SLC7A7: variants seen among roughly 807,000 people sequenced by gnomAD.
SLC7A7 encodes the protein solute carrier family 7 member 7.
Under a neutral mutation model 47.9 loss-of-function variants are expected in SLC7A7, and 39 were observed. The observed-to-expected ratio is 0.81, with a 90% CI of 0.63 to 1.06. The LOEUF (loss-of-function observed/expected upper bound fraction) is 1.06. SLC7A7 is among the 50% of genes least tolerant of loss of function. The pLI is 0.00. For synonymous variants in SLC7A7, 234 were observed against 242.8 expected (o/e 0.96, Z 0.34); for missense variants, 588 against 632.0 (o/e 0.93, Z 0.75).
At chr14:22,815,274 T>G in intron 1 of SLC7A7, 46 bp downstream of exon 1, 2 of 431,912 alleles carry the variant, frequency 4.6e-6, no homozygotes, top group Non-Finnish European at 9.4e-6. Flanking sequence ...AAGAGGAGGG[T>G]TAGCAAGGTA....
intron 4 of SLC7A7, 27 bp downstream of exon 4, chr14:22,778,766 A>T (rs376359939): frequency 1.2e-6 from 2 of 1,610,444 alleles, no homozygotes; most frequent in African/African-American, 2.7e-5. Context: ...TATCACTGCT[A>T]TGGAAAGTTG....
At chr14:22,802,706 T>C (rs368159815) in intron 2 of SLC7A7, among the ~76,000 whole-genome samples, 18 of 152,298 alleles carry the variant, frequency 1.2e-4, no homozygotes, top group South Asian at 1.0e-3. Context: ...CTACAAGAGC[T>C]TCCTAATAGT....
chr14:22,777,797 GGCACAGTGGCTCAT>G (rs1291395900), intron 4 of SLC7A7, among the ~76,000 whole-genome samples: 2 of 152,204 alleles, frequency 1.3e-5, no homozygotes, highest in African/African-American at 2.4e-5. Flanking sequence ...CAGAAAGCTG[GGCACAGTGGCTCAT>G]GCCTGTAATC....
rs768575124 is a variant in SLC7A7 at position 22,812,870 on chromosome 14, C to T, written c.499+30G>A. 20 of 1,608,994 alleles carry T rather than the reference C, an allele frequency of 1.2e-5. No homozygotes were observed. In the Admixed American group the frequency reaches 3.2e-4, roughly 26 times the overall value. ...ATCCCAGCCTCTGTCCAGCCCTCCA[C>T]CCACCACCTCCTACCCCAGCCCCAC... is the stretch of plus-strand genomic sequence containing the variant. On this transcript the variant is annotated intron_variant, in intron 2 of 9. Coordinates refer to ENST00000674313, the MANE Select transcript of SLC7A7 (RefSeq NM_003982.4).
At chr14:22,801,451 C>G (rs755102498) in intron 2 of SLC7A7, among the ~76,000 whole-genome samples, 5 of 152,094 alleles carry the variant, frequency 3.3e-5, no homozygotes, top group African/African-American at 4.8e-5. Flanking sequence ...GTGCCTTGTT[C>G]TACCTTGCAA....
intron 2 of SLC7A7, among the ~76,000 whole-genome samples, chr14:22,808,037 C>G (rs561210483): frequency 2.7e-4 from 41 of 152,118 alleles, no homozygotes; most frequent in African/African-American, 9.6e-4. Context: ...TGGTGCACAG[C>G]TGTAATCCCA....
intron 2 of SLC7A7, among the ~76,000 whole-genome samples, chr14:22,797,191 A>C (rs1594968035): frequency 6.6e-6 from 1 of 152,308 alleles, no homozygotes; most frequent in East Asian, 1.9e-4. Context: ...AACTGTATGC[A>C]AGAATGTGAG....
At chr14:22,808,809 G>A (rs1374372054) in intron 2 of SLC7A7, among the ~76,000 whole-genome samples, 1 of 152,170 alleles carries the variant, frequency 6.6e-6, no homozygotes, top group Non-Finnish European at 1.5e-5. Context: ...TATCTATGCA[G>A]TAATATTTCA....
At chr14:22,776,368 A>G (rs758221076) in intron 4 of SLC7A7, 50 bp from the exon 5 acceptor site, 33 of 1,613,074 alleles carry the variant, frequency 2.0e-5, no homozygotes, top group Non-Finnish European at 2.7e-5. Flanking sequence ...TCATATCCCT[A>G]TCTCTCCTTT....
At chr14:22,788,349 T>C (rs2038857118) in intron 2 of SLC7A7, among the ~76,000 whole-genome samples, 1 of 152,180 alleles carries the variant, frequency 6.6e-6, no homozygotes, top group African/African-American at 2.4e-5. Flanking sequence ...AGAATATTCA[T>C]AGTTACACCC....
chr14:22,817,520 TAGTAG>T (rs1239170517), upstream of SLC7A7, among the ~76,000 whole-genome samples: 4 of 152,162 alleles, frequency 2.6e-5, no homozygotes, highest in African/African-American at 9.7e-5. Context: ...TTTTTGTTTT[TAGTAG>T]AGTCGGGGTT....
rs77038538 is a variant in SLC7A7, at chr14:22,779,749, C to T, written c.625+177G>A. Among the ~76,000 whole-genome samples the T allele has an allele frequency of 8.3e-3, 1,257 of 152,150 alleles. 19 individuals carry two copies. The highest frequency in any genetic ancestry group is 0.029 in the African/African-American group (1,201 of 41,486). On this transcript the variant is annotated intron_variant, in intron 3 of 9. Coordinates refer to ENST00000674313, the MANE Select transcript of SLC7A7 (RefSeq NM_003982.4). ...GATTACAAGCACGAGCCACTGCGCC[C>T]GGCCCAAGGTACTTAATTCTGCAGG...
upstream of SLC7A7, among the ~76,000 whole-genome samples, chr14:22,819,068 T>C (rs963614593): frequency 3.9e-5 from 6 of 152,206 alleles, no homozygotes. Flanking sequence ...CAGTATGCAG[T>C]GCTGGGCAGG....
intron 2 of SLC7A7, among the ~76,000 whole-genome samples, chr14:22,789,313 G>A (rs1426109189): frequency 6.6e-6 from 1 of 152,106 alleles, no homozygotes; most frequent in African/African-American, 2.4e-5. Flanking sequence ...TGCATGGCAA[G>A]GGAGAATTAA....
At chr14:22,793,619 C>T (rs2038963637) in intron 2 of SLC7A7, among the ~76,000 whole-genome samples, 1 of 151,994 alleles carries the variant, frequency 6.6e-6, no homozygotes, top group Non-Finnish European at 1.5e-5. Context: ...CAAGACCAGC[C>T]TGGGCAACAT....
intron 2 of SLC7A7, among the ~76,000 whole-genome samples, chr14:22,795,076 C>CTTT (rs3076435): frequency 1.9e-3 from 181 of 97,536 alleles, no homozygotes; most frequent in African/African-American, 6.7e-3. Context: ...TTCTTTCTTT[C>CTTT]TTTTTTTTTT....
Position 22,801,091 on chromosome 14 carries a change from T to TA in SLC7A7, c.499+11808dup, listed in dbSNP as rs199615774. Among the ~76,000 whole-genome samples the TA allele has an allele frequency of 1.6e-3, 247 of 152,072 alleles. 1 individual carries two copies. The highest frequency in any genetic ancestry group is 4.8e-3 in the African/African-American group (199 of 41,492). On this transcript the variant is annotated intron_variant, in intron 2 of 9. Coordinates refer to ENST00000674313, the MANE Select transcript of SLC7A7 (RefSeq NM_003982.4). ...CCAAATTTCTAAGCCACAGAAATCA[T>TA]AAAAAAAATGACTACTGTTTTAAGA...
At position 22,774,020 on chromosome 14, in the gene SLC7A7, C is replaced by A; in HGVS notation, c.1342G>T (p.Ala448Ser). The A allele has an allele frequency of 6.2e-7, 1 of 1,614,144 alleles. No individual in the cohort carries two copies. Among genetic ancestry groups the A allele is most frequent in the Non-Finnish European group, 8.5e-7 (1 of 1,180,040 alleles). Residue 448 changes from alanine (A) to serine (S), a missense_variant, in exon 9 of 10, where the codon GCC becomes TCC. Transcript: ENST00000674313. ...SDTINSLIGI[A>S]IALSGLPFYF... ...AAGGGCAGGCCTGAGAGGGCAATGGCAATGCCGATGAGGGAGTTGATAGTA... is the reference window on the plus strand; with the variant it reads ...AAGGGCAGGCCTGAGAGGGCAATGGAAATGCCGATGAGGGAGTTGATAGTA...
chr14:22,779,439 G>A (rs1471710357), intron 3 of SLC7A7, among the ~76,000 whole-genome samples: 1 of 150,764 alleles, frequency 6.6e-6, no homozygotes, highest in Non-Finnish European at 1.5e-5. Flanking sequence ...AGCAACTTGG[G>A]CAAGATATTT....
Sources: allele counts gnomAD v4.1 joint callset (sites outside exome capture counted in the v4.1 genomes callset), GRCh38; gene constraint gnomAD v4.1.1; transcripts MANE v1.5; gene names NCBI Gene and HGNC (gene_info 2026-07-23, HGNC 2026-07-21).